The following PDE4DIP variants were observed in gnomAD, a reference collection of about 807,000 sequenced individuals.
The protein encoded by PDE4DIP is phosphodiesterase 4D interacting protein, also known as myomegalin.
In PDE4DIP, 59 loss-of-function variants were observed where a neutral mutation model predicts 221.4. The observed-to-expected ratio is 0.27, with a 90% confidence interval of 0.22 to 0.33. The LOEUF is 0.33. Ranked by LOEUF, PDE4DIP falls within the 10% of genes least tolerant of loss-of-function variation. The pLI, the probability that PDE4DIP is intolerant of heterozygous loss-of-function variation, is 1.00. For synonymous variants in PDE4DIP, 404 were observed against 815.9 expected (o/e 0.50, Z 8.60); for missense variants, 1,036 against 2,154.2 (o/e 0.48, Z 10.28).
intron 1 of PDE4DIP, among the ~76,000 whole-genome samples, chr1:148,922,918 C>G (rs1382667810): frequency 1.3e-4 from 19 of 142,794 alleles, no homozygotes; most frequent in Non-Finnish European, 2.0e-4. Context: ...TGGAGTTTCT[C>G]TCTGTCACCC....
Position 149,032,025 on chromosome 1 carries a change from A to G in PDE4DIP, c.*40A>G, listed in dbSNP as rs112796865. On this transcript the variant is annotated 3_prime_UTR_variant, in exon 44 of 44. Transcript: ENST00000369354. ...GAACCATGCAAGAAGCGCAGCCACCAGAAGTCCTTAAAACAGCAGGAAAGG... is the reference window on the plus strand; with the variant it reads ...GAACCATGCAAGAAGCGCAGCCACCGGAAGTCCTTAAAACAGCAGGAAAGG... The G allele has an allele frequency of 3.1e-3, 4,958 of 1,610,530 alleles. 108 individuals carry two copies. The African/African-American group carries it at 0.055, about 18-fold the overall frequency.
intron 17 of PDE4DIP, among the ~76,000 whole-genome samples, chr1:148,975,274 A>T (rs1179517962): frequency 4.1e-5 from 6 of 147,572 alleles, no homozygotes; most frequent in Non-Finnish European, 7.4e-5. Flanking sequence ...GTGAAATTAG[A>T]TTTAGAAACA....
intron 5 of PDE4DIP, chr1:148,951,808 C>T (rs1226501985): frequency 1.3e-5 from 2 of 155,934 alleles, no homozygotes; most frequent in African/African-American, 2.4e-5. Flanking sequence ...CCTCCCCCAC[C>T]CACATCAAGG....
upstream of PDE4DIP, among the ~76,000 whole-genome samples, chr1:148,889,071 A>G (rs1295617519): frequency 5.9e-5 from 9 of 151,592 alleles, no homozygotes; most frequent in African/African-American, 2.2e-4. Flanking sequence ...ATTAGAAGTG[A>G]GCTCTGGATT....
exon 32 of PDE4DIP, chr1:149,012,608 A>G (rs782151314): frequency 1.3e-6 from 2 of 1,599,320 alleles, no homozygotes; most frequent in Non-Finnish European, 1.7e-6. Flanking sequence ...TTTTCACTCC[A>G]TACCCAAGCT....
chr1:149,019,981 T>C (rs1322186827), intron 35 of PDE4DIP, among the ~76,000 whole-genome samples, 166 bp from the exon 39 acceptor site: 1 of 152,206 alleles, frequency 6.6e-6, no homozygotes, highest in Admixed American at 6.5e-5. Flanking sequence ...AGAGGCACCA[T>C]GCTCCAGGCT....
intron 40 of PDE4DIP, among the ~76,000 whole-genome samples, chr1:149,028,289 G>A (rs1315168773): frequency 6.8e-6 from 1 of 147,590 alleles, no homozygotes; most frequent in Non-Finnish European, 1.5e-5. Context: ...CAATACAAAT[G>A]TGGTCATTTA....
At chr1:148,948,559 T>C (rs1405121130) in intron 5 of PDE4DIP, among the ~76,000 whole-genome samples, 5 of 151,658 alleles carry the variant, frequency 3.3e-5, no homozygotes, top group African/African-American at 7.3e-5. Flanking sequence ...CTATATTTTA[T>C]AGCATTTCCC....
intron 17 of PDE4DIP, among the ~76,000 whole-genome samples, chr1:148,975,547 T>C (rs2060011369): frequency 6.6e-6 from 1 of 152,122 alleles, no homozygotes; most frequent in African/African-American, 2.4e-5. Flanking sequence ...AAGATTCATT[T>C]CCTAGAGCAC....
chr1:149,010,409 A>C (rs782034422), intron 30 of PDE4DIP, 34 bp from the exon 34 acceptor site: 13 of 1,606,532 alleles, frequency 8.1e-6, no homozygotes, highest in Non-Finnish European at 1.1e-5. Context: ...TCTGTAGAAC[A>C]TCATACGTTT....
At chr1:148,992,360 C>T (rs2063308025) in intron 22 of PDE4DIP, 1 of 1,536,286 alleles carries the variant, frequency 6.5e-7, no homozygotes, top group East Asian at 2.3e-5. Context: ...CGAAGGGCTG[C>T]TCGGGGAGGT....
intron 3 of PDE4DIP, among the ~76,000 whole-genome samples, chr1:148,869,777 T>TAAA: frequency 1.5e-5 from 1 of 68,450 alleles, no homozygotes; most frequent in Non-Finnish European, 2.5e-5. Context: ...TCTTGTGCTC[T>TAAA]AAAAAAAAAA....
intron 9 of PDE4DIP, among the ~76,000 whole-genome samples, chr1:148,963,867 C>T (rs1414494375): frequency 6.9e-6 from 1 of 144,384 alleles, no homozygotes; most frequent in Admixed American, 6.9e-5. Context: ...CATTCTCCTG[C>T]CTCAGCCTCC....
At chr1:148,966,948 T>C (rs782391538) in exon 12 of PDE4DIP, 5 of 1,612,108 alleles carry the variant, frequency 3.1e-6, no homozygotes, top group Non-Finnish European at 3.4e-6. Context: ...CTGCGCGATG[T>C]CCTCTCCTCC....
At chr1:148,951,225 C>G (rs1420344041) in intron 5 of PDE4DIP, among the ~76,000 whole-genome samples, 1 of 149,680 alleles carries the variant, frequency 6.7e-6, no homozygotes, top group Non-Finnish European at 1.5e-5. Context: ...AAAAATTTAG[C>G]ATGATTAGAA....
At chr1:148,956,390 C>G (rs1274095653) in intron 5 of PDE4DIP, among the ~76,000 whole-genome samples, 1 of 151,718 alleles carries the variant, frequency 6.6e-6, no homozygotes, top group Non-Finnish European at 1.5e-5. Context: ...TCCTTCTTTC[C>G]GTCTTTTTCT....
At chr1:148,885,127 A>C (rs1553429100), upstream of PDE4DIP, among the ~76,000 whole-genome samples, 1 of 147,748 alleles carries the variant, frequency 6.8e-6, no homozygotes, top group Non-Finnish European at 1.5e-5. Context: ...CACTTTTCTC[A>C]GGAAGTTTAC....
intron 1 of PDE4DIP, among the ~76,000 whole-genome samples, chr1:148,918,818 G>A (rs1184916660): frequency 9.2e-6 from 1 of 108,888 alleles, no homozygotes; most frequent in East Asian, 2.5e-4. Flanking sequence ...ACATAGGTTG[G>A]GCTTGAAATA....
intron 17 of PDE4DIP, among the ~76,000 whole-genome samples, chr1:148,976,970 TA>T (rs1339335825): frequency 7.6e-6 from 1 of 131,360 alleles, no homozygotes; most frequent in African/African-American, 2.9e-5. Flanking sequence ...GCCAGATCAC[TA>T]GGTTTGTTAA....
Sources: gnomAD v4.1 joint callset for allele counts (sites outside exome capture counted in the v4.1 genomes callset) on GRCh38, gnomAD v4.1.1 for gene constraint, MANE v1.5 for transcripts, NCBI Gene and HGNC (gene_info 2026-07-23, HGNC 2026-07-21) for gene names.